The following RAPGEF2 variants were observed in gnomAD, a reference collection of about 807,000 sequenced individuals.
RAPGEF2 encodes Rap guanine nucleotide exchange factor 2.
A neutral mutation model predicts 186.7 loss-of-function variants in RAPGEF2; 54 were observed. The observed-to-expected ratio is 0.29, with a 90% confidence interval of 0.23 to 0.36. RAPGEF2 has a LOEUF of 0.36. Among genes scored for constraint, RAPGEF2 ranks in the 10% least tolerant of loss-of-function variants. RAPGEF2 has a pLI of 1.00. For missense variants in RAPGEF2, 1,532 were observed against 2,045.0 expected, an observed-to-expected ratio of 0.75 and a Z score of 4.84; for synonymous variants, 712 against 705.9, an observed-to-expected ratio of 1.01 and a Z score of -0.14.
chr4:159,213,443 G>T (rs538748192), intron 4 of RAPGEF2, among the ~76,000 whole-genome samples: 1 of 152,328 alleles, frequency 6.6e-6, no homozygotes, highest in South Asian at 2.1e-4. Flanking sequence ...TCTCTTGAAA[G>T]TGCCAACTCG....
intron 6 of RAPGEF2, among the ~76,000 whole-genome samples, chr4:159,242,291 T>TA (rs1754110182): frequency 6.6e-6 from 1 of 151,608 alleles, no homozygotes; most frequent in Non-Finnish European, 1.5e-5. Flanking sequence ...AATAAAAATA[T>TA]AAAAAATAAA....
At chr4:159,292,112 T>C (rs933452383) in intron 7 of RAPGEF2, among the ~76,000 whole-genome samples, 1 of 152,166 alleles carries the variant, frequency 6.6e-6, no homozygotes, top group Admixed American at 6.6e-5. Context: ...TGTTGAATTA[T>C]TGACTCGTAC....
At chr4:159,325,380 C>T (rs933383003) in intron 11 of RAPGEF2, among the ~76,000 whole-genome samples, 1 of 151,942 alleles carries the variant, frequency 6.6e-6, no homozygotes, top group Non-Finnish European at 1.5e-5. Context: ...CTTTATTTAG[C>T]GGGAATGGGC....
rs1282362051 is a variant in RAPGEF2, at chr4:159,330,465, G to C, written c.1434G>C (p.Leu478Phe). The change falls in exon 13 of 30, where the codon TTG (leucine) becomes TTC (phenylalanine). Residue 478 changes from leucine (L) to phenylalanine (F), a missense_variant. Leu to Phe is a conservative substitution (Grantham distance 22). Transcript: ENST00000691494. ...CAATGGAAGTGGGCAAAAAGTTATTGGAGTGGTTTAATGACCCGAGCCTCA... is the reference window on the plus strand; with the variant it reads ...CAATGGAAGTGGGCAAAAAGTTATTCGAGTGGTTTAATGACCCGAGCCTCA... The part of the protein sequence containing the change: ...SSPMEVGKKL[L>F]EWFNDPSLRD... 1.9e-6 allele frequency: 3 copies of C among 1,606,534 alleles called. No homozygotes were observed. The African/African-American group carries it at 4.0e-5, about 22-fold the overall frequency.
At chr4:159,174,760 C>CTTTTT (rs1043918425) in intron 1 of RAPGEF2, among the ~76,000 whole-genome samples, 2 of 44,130 alleles carry the variant, frequency 4.5e-5, no homozygotes, top group Non-Finnish European at 8.4e-5. Flanking sequence ...TTCTTTCTTT[C>CTTTTT]TTTTTTTTTT....
chr4:159,178,755 C>T (rs376759457), intron 1 of RAPGEF2, among the ~76,000 whole-genome samples: 3 of 152,024 alleles, frequency 2.0e-5, no homozygotes, highest in East Asian at 3.9e-4. Flanking sequence ...ACGGGGGTTT[C>T]TCCATGTTAG....
Position 159,355,895 on chromosome 4 carries a change from C to CCCGGCA in RAPGEF2, c.4695_4696insCGGCAC (p.Pro1565_Gly1566insArgHis). The CCCGGCA allele has an allele frequency of 1.3e-6, 2 of 1,556,934 alleles. No homozygotes were observed. The highest frequency in any genetic ancestry group is 8.7e-7 in the Non-Finnish European group (1 of 1,150,372). On this transcript the variant is annotated inframe_insertion, in exon 29 of 30. Coordinates refer to ENST00000691494, the MANE Select transcript of RAPGEF2 (RefSeq NM_001394067.2). ...TATCGAGAGCCCCCGCCCACCCCTC[C>CCCGGCA]CGGCTACATTGGAATTCCCATTACT...
intron 1 of RAPGEF2, among the ~76,000 whole-genome samples, chr4:159,153,998 A>G (rs114797256): frequency 1.2e-3 from 180 of 152,314 alleles, no homozygotes; most frequent in African/African-American, 4.1e-3. Flanking sequence ...CATCTTTGCA[A>G]TGATAAACTG....
At chr4:159,293,275 G>T (rs1258028146) in intron 7 of RAPGEF2, among the ~76,000 whole-genome samples, 1 of 151,950 alleles carries the variant, frequency 6.6e-6, no homozygotes, top group East Asian at 1.9e-4. Flanking sequence ...TTATCACATC[G>T]GTTTCTTTTC....
chr4:159,128,833 A>G (rs914916162), intron 1 of RAPGEF2: 6 of 147,078 alleles, frequency 4.1e-5, no homozygotes, highest in Middle Eastern at 3.4e-3. Flanking sequence ...AAGTCTTTCC[A>G]TATGTGTAAC....
At chr4:159,195,336 C>T (rs1748523320) in intron 3 of RAPGEF2, among the ~76,000 whole-genome samples, 1 of 152,144 alleles carries the variant, frequency 6.6e-6, no homozygotes, top group African/African-American at 2.4e-5. Flanking sequence ...TGGCATTTAT[C>T]AAAGCAGTCT....
chr4:159,248,578 G>A (rs1754932086), intron 7 of RAPGEF2, among the ~76,000 whole-genome samples: 1 of 152,186 alleles, frequency 6.6e-6, no homozygotes, highest in African/African-American at 2.4e-5. Context: ...TGTGTGTGCT[G>A]CAATTTCTGG....
Position 159,332,033 on chromosome 4 carries a change from T to C in RAPGEF2, c.1887T>C (p.Phe629=). 4 of 1,567,082 alleles carry C rather than the reference T, an allele frequency of 2.6e-6. No individual in the cohort carries two copies. Among genetic ancestry groups the C allele is most frequent in the Non-Finnish European group, 3.5e-6 (4 of 1,151,056 alleles). ...HLSITVKTNL[F]VFKELLTRLS... ...CTATCACTGTGAAAACCAATTTATT[T>C]GGTAAGTATTTTGCATACTTTTCAT... The change falls in exon 16 of 30, where the codon TTT becomes TTC. Residue 629 remains phenylalanine (F), a splice_region_variant and synonymous_variant. Transcript: ENST00000691494.
intron 6 of RAPGEF2, among the ~76,000 whole-genome samples, 166 bp from the exon 7 acceptor site, chr4:159,243,608 A>C (rs899274086): frequency 6.6e-6 from 1 of 152,044 alleles, no homozygotes; most frequent in Non-Finnish European, 1.5e-5. Context: ...TTTCAAGTGC[A>C]TGGCTAAATA....
chr4:159,233,085 T>C, intron 4 of RAPGEF2, among the ~76,000 whole-genome samples: 1 of 152,242 alleles, frequency 6.6e-6, no homozygotes, highest in East Asian at 1.9e-4. Flanking sequence ...GATTTACAAA[T>C]ACTTTCTCTT....
Position 159,125,035 on chromosome 4 carries a change from A to G in RAPGEF2, c.69+20804A>G, listed in dbSNP as rs544542028. Among the ~76,000 whole-genome samples the G allele has an allele frequency of 4.5e-4, 63 of 140,470 alleles. 1 individual carries two copies. Among genetic ancestry groups the G allele is most frequent in the African/African-American group, 1.5e-3 (56 of 36,918 alleles). The allele number at this position is 140,470 out of a possible 152,430, so 92.2% of individuals were successfully genotyped here. A position where few individuals can be genotyped will look rare whatever the true frequency, so the allele number is the denominator to read the frequency against. On this transcript the variant is annotated intron_variant, in intron 1 of 29. Coordinates refer to ENST00000691494, the MANE Select transcript of RAPGEF2 (RefSeq NM_001394067.2). ...CTGTAGTCTTTGCCTAGGTTTTTCT[A>G]TTTTTTTTTTTTAGAAATAAAAGTT...
intron 7 of RAPGEF2, among the ~76,000 whole-genome samples, chr4:159,287,137 A>G (rs1181237965): frequency 6.6e-6 from 1 of 151,908 alleles, no homozygotes; most frequent in African/African-American, 2.4e-5. Flanking sequence ...TTCTCTTTTG[A>G]CTAGATTAAA....
At chr4:159,241,135 C>A in intron 5 of RAPGEF2, 66 bp from the exon 6 acceptor site, 1 of 1,243,478 alleles carries the variant, frequency 8.0e-7, no homozygotes. Context: ...AAGTTTCTTT[C>A]TGTATCTAAT....
chr4:159,314,833 T>G (rs1398435654), intron 9 of RAPGEF2, 65 bp downstream of exon 9: 2 of 1,430,068 alleles, frequency 1.4e-6, no homozygotes, highest in Non-Finnish European at 9.5e-7. Context: ...AATTGTCTGA[T>G]GAAATAGAGC....
Sources: gnomAD v4.1 joint callset for allele counts (sites outside exome capture counted in the v4.1 genomes callset) on GRCh38, gnomAD v4.1.1 for gene constraint, MANE v1.5 for transcripts, NCBI Gene and HGNC (gene_info 2026-07-23, HGNC 2026-07-21) for gene names.